RPS6KC1: variants seen among roughly 807,000 people sequenced by gnomAD.
The protein encoded by RPS6KC1 is ribosomal protein S6 kinase C1.
In RPS6KC1, 54 loss-of-function variants were observed where a neutral mutation model predicts 103.8. That is an observed-to-expected ratio of 0.52 (90% CI 0.42 to 0.65). The LOEUF (loss-of-function observed/expected upper bound fraction) is 0.65, where lower values mean the gene tolerates loss of function less well. Among genes scored for constraint, RPS6KC1 ranks in the 30% least tolerant of loss-of-function variants. The pLI is 0.00. For synonymous variants in RPS6KC1, 439 were observed against 438.7 expected, an observed-to-expected ratio of 1.00 and a Z score of -0.01; for missense variants, 1,151 against 1,253.8, an observed-to-expected ratio of 0.92 and a Z score of 1.24.
At chr1:213,603,368 T>C in the RPS6KC1 span, among the ~76,000 whole-genome samples, 1 of 152,294 alleles carries the variant, frequency 6.6e-6, no homozygotes, top group African/African-American at 2.4e-5. Context: ...CAGTTACTGC[T>C]CCTGGGGAGA....
chr1:213,097,267 T>C (rs2081549036), intron 3 of RPS6KC1, among the ~76,000 whole-genome samples: 1 of 152,122 alleles, frequency 6.6e-6, no homozygotes, highest in Non-Finnish European at 1.5e-5. Flanking sequence ...GACAGGAGAA[T>C]CACTTGAACC....
At chr1:213,355,030 C>T in the RPS6KC1 span, among the ~76,000 whole-genome samples, 1 of 152,142 alleles carries the variant, frequency 6.6e-6, no homozygotes, top group Non-Finnish European at 1.5e-5. Context: ...CCAGCCTGGC[C>T]AACATGGTGA....
chr1:213,246,848 C>G (rs369569681), intron 12 of RPS6KC1, among the ~76,000 whole-genome samples: 3 of 151,916 alleles, frequency 2.0e-5, no homozygotes, highest in East Asian at 3.9e-4. Context: ...CTGCGAATAG[C>G]TACTGCACTC....
chr1:213,493,983 A>G, the RPS6KC1 span, among the ~76,000 whole-genome samples: 1 of 152,072 alleles, frequency 6.6e-6, no homozygotes, highest in African/African-American at 2.4e-5. Flanking sequence ...AGAAATGCAA[A>G]AATCAGAAAT....
chr1:213,767,777 C>T, the RPS6KC1 span, among the ~76,000 whole-genome samples: 1 of 152,178 alleles, frequency 6.6e-6, no homozygotes, highest in East Asian at 1.9e-4. Context: ...AAGGTAGATG[C>T]CTGGCCAGAG....
At chr1:213,512,177 T>C in the RPS6KC1 span, among the ~76,000 whole-genome samples, 7 of 152,316 alleles carry the variant, frequency 4.6e-5, no homozygotes, top group Admixed American at 2.0e-4. Context: ...TTTTGAAGAG[T>C]CTGTCTTAAG....
chr1:213,854,833 C>A, the RPS6KC1 span, among the ~76,000 whole-genome samples: 1 of 152,210 alleles, frequency 6.6e-6, no homozygotes. Flanking sequence ...CCAGCCCATG[C>A]CCCGCCTTAT....
At chr1:213,616,335 G>A in the RPS6KC1 span, among the ~76,000 whole-genome samples, 3 of 152,282 alleles carry the variant, frequency 2.0e-5, no homozygotes, top group Admixed American at 2.0e-4. Flanking sequence ...AAGAAGAAAG[G>A]CCATCTAAGG....
the RPS6KC1 span, among the ~76,000 whole-genome samples, chr1:213,512,155 T>C: frequency 6.6e-6 from 1 of 152,244 alleles, no homozygotes; most frequent in Non-Finnish European, 1.5e-5. Flanking sequence ...TCTATCTTCA[T>C]TCCTGATTGA....
intron 8 of RPS6KC1, among the ~76,000 whole-genome samples, chr1:213,211,132 A>G (rs2093492669): frequency 6.6e-6 from 1 of 152,240 alleles, no homozygotes; most frequent in South Asian, 2.1e-4. Context: ...AATACAATAG[A>G]CTATACTTTT....
At chr1:213,711,944 C>T in the RPS6KC1 span, among the ~76,000 whole-genome samples, 4 of 152,304 alleles carry the variant, frequency 2.6e-5, no homozygotes, top group South Asian at 8.3e-4. Context: ...TATGAGGTGT[C>T]TGTTGACCCC....
At chr1:213,354,036 T>C in the RPS6KC1 span, among the ~76,000 whole-genome samples, 4 of 152,210 alleles carry the variant, frequency 2.6e-5, no homozygotes, top group African/African-American at 9.6e-5. Flanking sequence ...TAAGTCCTGG[T>C]GTGTCTGCCC....
the RPS6KC1 span, among the ~76,000 whole-genome samples, chr1:213,693,734 G>C: frequency 2.6e-5 from 4 of 152,134 alleles, no homozygotes; most frequent in East Asian, 7.7e-4. Context: ...TACCTTTTTC[G>C]ATGGCTACGG....
At chr1:213,818,596 G>GGCATTGT in the RPS6KC1 span, 3 of 151,966 alleles carry the variant, frequency 2.0e-5, no homozygotes, top group Non-Finnish European at 4.4e-5. Flanking sequence ...TAGACTTCAT[G>GGCATTGT]GCATTGTTGT....
the RPS6KC1 span, among the ~76,000 whole-genome samples, chr1:213,629,240 G>A: frequency 6.6e-6 from 1 of 151,992 alleles, no homozygotes; most frequent in South Asian, 2.1e-4. Context: ...AGGTCTCTAA[G>A]GACTTGCTTT....
chr1:213,777,085 C>T, the RPS6KC1 span, among the ~76,000 whole-genome samples: 11 of 152,242 alleles, frequency 7.2e-5, no homozygotes, highest in Non-Finnish European at 1.2e-4. Context: ...GTGGACCACT[C>T]GAAGTTTCTC....
the RPS6KC1 span, among the ~76,000 whole-genome samples, chr1:213,656,344 C>T: frequency 6.6e-6 from 1 of 152,200 alleles, no homozygotes; most frequent in African/African-American, 2.4e-5. Context: ...AACGTGACAG[C>T]ACTGGGCAGG....
At chr1:213,852,007 C>T in the RPS6KC1 span, among the ~76,000 whole-genome samples, 12 of 152,266 alleles carry the variant, frequency 7.9e-5, no homozygotes, top group African/African-American at 2.9e-4. Context: ...CTTTTATGCA[C>T]CAAGCTTTTT....
the RPS6KC1 span, among the ~76,000 whole-genome samples, chr1:213,357,821 T>C: frequency 6.6e-6 from 1 of 152,166 alleles, no homozygotes; most frequent in Non-Finnish European, 1.5e-5. Context: ...TCTGGCTGAG[T>C]CCAGGAACAA....
Sources: allele counts gnomAD v4.1 joint callset (sites outside exome capture counted in the v4.1 genomes callset), GRCh38; gene constraint gnomAD v4.1.1; transcripts MANE v1.5; gene names NCBI Gene and HGNC (gene_info 2026-07-23, HGNC 2026-07-21).